PPP2R3C: variants seen among roughly 807,000 people sequenced by gnomAD.
PPP2R3C encodes protein phosphatase 2 regulatory subunit B''gamma.
In PPP2R3C, 47 loss-of-function variants were observed where a neutral mutation model predicts 63.7. The ratio of observed to expected loss-of-function variants is 0.74; its 90% CI spans 0.58 to 0.94. The LOEUF (loss-of-function observed/expected upper bound fraction) is 0.94, where lower values mean the gene tolerates loss of function less well. Among genes scored for constraint, PPP2R3C ranks in the 40% least tolerant of loss-of-function variants. The pLI is 0.00. For missense variants in PPP2R3C, 421 were observed against 518.4 expected, an observed-to-expected ratio of 0.81 and a Z score of 1.82; for synonymous variants, 180 against 177.4, an observed-to-expected ratio of 1.01 and a Z score of -0.12.
intron 4 of PPP2R3C, among the ~76,000 whole-genome samples, chr14:35,108,901 T>C (rs1453176033): frequency 6.6e-6 from 1 of 151,992 alleles, no homozygotes; most frequent in Non-Finnish European, 1.5e-5. Context: ...TGAGGCACCA[T>C]GCCTAGCCTA....
At position 35,093,896 on chromosome 14, in the gene PPP2R3C, C is replaced by T. The variant is rs147391699; in HGVS notation, c.975+1152G>A. 5.0e-3 allele frequency among the ~76,000 whole-genome samples: 762 copies of T among 152,264 alleles called. 7 individuals are homozygous for T. Among genetic ancestry groups the T allele is most frequent in the African/African-American group, 0.017 (721 of 41,552 alleles). Reference sequence around the variant, plus strand: ...TCCATCTCCTGACCTTGTGATCCACCCGCCTCGGCCTCCCAAAGTTATCAG... The same window carrying T: ...TCCATCTCCTGACCTTGTGATCCACTCGCCTCGGCCTCCCAAAGTTATCAG... On this transcript the variant is annotated intron_variant, in intron 10 of 12. Coordinates refer to ENST00000261475, the MANE Select transcript of PPP2R3C (RefSeq NM_017917.4).
chr14:35,119,249 G>T lies in PPP2R3C; in HGVS notation c.59-2512C>A, dbSNP rs2046792180. 2.0e-5 allele frequency among the ~76,000 whole-genome samples: 3 copies of T among 152,102 alleles called. No homozygotes were observed. The South Asian group carries it at 6.2e-4, about 32-fold the overall frequency. ...GACGGACTTTCACCATGTTGGCCAG[G>T]CTGGTCTTGAACTCCTGACCTCAAG... On this transcript the variant is annotated intron_variant, in intron 1 of 12. Transcript: ENST00000261475.
Position 35,116,708 on chromosome 14 carries a change from C to T in PPP2R3C, c.88G>A (p.Glu30Lys). Residue 30 changes from glutamate to lysine, a missense_variant, in exon 2 of 13, where the codon GAA (glutamate) becomes AAA (lysine). Glu to Lys is a moderately conservative substitution (Grantham distance 56, BLOSUM62 1). Coordinates refer to ENST00000261475, the MANE Select transcript of PPP2R3C (RefSeq NM_017917.4). ...KKKSEQELKDEEMDLFTKYYS... is the reference protein window; with the variant it reads ...KKKSEQELKDKEMDLFTKYYS... ...TATTTTGTAAATAAATCCATTTCTT[C>T]ATCTTTTAATTCTTGTTCACTTTTT... 1 of 1,593,280 alleles carries T rather than the reference C, an allele frequency of 6.3e-7. No homozygotes were observed. Among genetic ancestry groups the T allele is most frequent in the Non-Finnish European group, 8.6e-7 (1 of 1,168,620 alleles).
chr14:35,113,992 T>A (rs1190769979), intron 2 of PPP2R3C, among the ~76,000 whole-genome samples: 1 of 152,200 alleles, frequency 6.6e-6, no homozygotes, highest in African/African-American at 2.4e-5. Flanking sequence ...AGTAACATAT[T>A]ATTTAAGAAT....
intron 2 of PPP2R3C, among the ~76,000 whole-genome samples, chr14:35,115,158 T>TC (rs1395963081): frequency 9.1e-4 from 138 of 150,952 alleles, no homozygotes; most frequent in African/African-American, 3.2e-3. Flanking sequence ...CTTTTTTTTT[T>TC]TTCTTTTTCT....
intron 2 of PPP2R3C, among the ~76,000 whole-genome samples, chr14:35,114,943 G>A (rs1258570800): frequency 6.6e-6 from 1 of 151,890 alleles, no homozygotes; most frequent in Non-Finnish European, 1.5e-5. Context: ...GCAGTGAGCT[G>A]AGATCGTGCC....
chr14:35,100,269 G>C (rs941460725), intron 6 of PPP2R3C: 9 of 151,982 alleles, frequency 5.9e-5, no homozygotes, highest in African/African-American at 2.2e-4. Flanking sequence ...ATACCATAAG[G>C]GCTAAGCTAA....
At chr14:35,099,009 G>A (rs954112200) in intron 7 of PPP2R3C, 15 of 354,690 alleles carry the variant, frequency 4.2e-5, no homozygotes, top group Admixed American at 3.4e-4. Context: ...GTTAGGTGAT[G>A]TCCCCCCATC....
chr14:35,117,010 C>A (rs1490745295), intron 1 of PPP2R3C: 3 of 440,768 alleles, frequency 6.8e-6, no homozygotes, highest in Non-Finnish European at 1.3e-5. Context: ...CAAATTACCT[C>A]TCCTACAGAA....
At chr14:35,089,733 T>C (rs2045731406) in intron 11 of PPP2R3C, among the ~76,000 whole-genome samples, 1 of 152,032 alleles carries the variant, frequency 6.6e-6, no homozygotes, top group South Asian at 2.1e-4. Context: ...TGGCGCAATC[T>C]CGGCTCACTG....
intron 6 of PPP2R3C, chr14:35,102,535 C>T (rs2046231448): frequency 1.3e-5 from 2 of 152,130 alleles, no homozygotes; most frequent in Admixed American, 6.6e-5. Flanking sequence ...AAATTTAAGA[C>T]TTGTCTTTGG....
chr14:35,106,745 G>A (rs893727008), intron 6 of PPP2R3C, among the ~76,000 whole-genome samples: 11 of 148,364 alleles, frequency 7.4e-5, no homozygotes, highest in African/African-American at 2.8e-4. Flanking sequence ...TCGGTTCACA[G>A]CAACCTCTGC....
At chr14:35,117,262 A>T (rs1197294928) in intron 1 of PPP2R3C, 2 of 430,656 alleles carry the variant, frequency 4.6e-6, no homozygotes, top group Non-Finnish European at 9.4e-6. Context: ...CTCGCCTGCT[A>T]TTGGCACGTG....
At chr14:35,091,875 T>C (rs1417369141) in intron 10 of PPP2R3C, among the ~76,000 whole-genome samples, 1 of 151,624 alleles carries the variant, frequency 6.6e-6, no homozygotes, top group African/African-American at 2.4e-5. Flanking sequence ...TGCACACCAC[T>C]ATGCCCAGCT....
intron 2 of PPP2R3C, among the ~76,000 whole-genome samples, chr14:35,114,019 A>G (rs2046637418): frequency 6.6e-6 from 1 of 152,226 alleles, no homozygotes; most frequent in Non-Finnish European, 1.5e-5. Flanking sequence ...TAAATGAGAT[A>G]AAGAATACAA....
At chr14:35,102,441 A>C (rs1213123204) in intron 6 of PPP2R3C, 1 of 152,218 alleles carries the variant, frequency 6.6e-6, no homozygotes, top group African/African-American at 2.4e-5. Context: ...CTCAAACTTG[A>C]AGTATCCAAA....
chr14:35,111,919 T>A (rs79199019), intron 2 of PPP2R3C, among the ~76,000 whole-genome samples: 27,112 of 152,200 alleles, frequency 0.18, 2,582 homozygotes, highest in East Asian at 0.37. Context: ...TGAGTAATAA[T>A]AAAACTCCTG....
At chr14:35,106,663 ATTTTTT>A (rs35661935) in intron 6 of PPP2R3C, among the ~76,000 whole-genome samples, 1 of 100,404 alleles carries the variant, frequency 1.0e-5, no homozygotes, top group Non-Finnish European at 2.0e-5. Context: ...CAGCCAATAC[ATTTTTT>A]TTTTTTTTTT....
intron 10 of PPP2R3C, among the ~76,000 whole-genome samples, chr14:35,094,134 C>T (rs761161691): frequency 5.9e-5 from 9 of 152,086 alleles, no homozygotes; most frequent in South Asian, 2.1e-4. Flanking sequence ...AATTTAATGA[C>T]GGAACTATCT....
Sources: gnomAD v4.1 joint callset for allele counts (sites outside exome capture counted in the v4.1 genomes callset) on GRCh38, gnomAD v4.1.1 for gene constraint, MANE v1.5 for transcripts, NCBI Gene and HGNC (gene_info 2026-07-23, HGNC 2026-07-21) for gene names.